The following PDGFD variants were observed in gnomAD, a reference collection of about 807,000 sequenced individuals.
The protein encoded by PDGFD is platelet derived growth factor D.
In PDGFD, 30 loss-of-function variants were observed where a neutral mutation model predicts 44.7. That is an observed-to-expected ratio of 0.67 (90% confidence interval 0.50 to 0.91). The LOEUF (loss-of-function observed/expected upper bound fraction) is 0.91. PDGFD is among the 40% of genes least tolerant of loss of function. The pLI is 0.00. For synonymous variants in PDGFD, 173 were observed against 168.4 expected, an observed-to-expected ratio of 1.03 and a Z score of -0.21; for missense variants, 445 against 457.8, an observed-to-expected ratio of 0.97 and a Z score of 0.25.
rs1591152121 is a variant in PDGFD, at chr11:104,077,390, G to T, written c.125-77135C>A. Among the ~76,000 whole-genome samples, 5 of 152,142 alleles carry T rather than the reference G, an allele frequency of 3.3e-5. No homozygotes were observed. In the South Asian group the frequency reaches 1.0e-3, roughly 32 times the overall value. On this transcript the variant is annotated intron_variant, in intron 1 of 6. Transcript: ENST00000393158. ...AATTCTGGAAGAGAAAGATGTTTAG[G>T]AGTTAAGGAAATAAGAGTTAGAAGG...
chr11:104,132,446 CTCTTTGGGTT>C (rs1446573930), intron 1 of PDGFD, among the ~76,000 whole-genome samples: 1 of 152,004 alleles, frequency 6.6e-6, no homozygotes, highest in Non-Finnish European at 1.5e-5. Flanking sequence ...TTAATGACCT[CTCTTTGGGTT>C]TCCTGTAAAC....
At chr11:104,132,474 C>T (rs1399339687) in intron 1 of PDGFD, among the ~76,000 whole-genome samples, 1 of 151,874 alleles carries the variant, frequency 6.6e-6, no homozygotes, top group Non-Finnish European at 1.5e-5. Flanking sequence ...AACTTTTTTG[C>T]AACCTCTTTA....
intron 1 of PDGFD, among the ~76,000 whole-genome samples, chr11:104,074,532 T>C (rs1438764202): frequency 6.6e-6 from 1 of 152,134 alleles, no homozygotes; most frequent in Non-Finnish European, 1.5e-5. Context: ...AAAACATCTG[T>C]GAAGAAAAGC....
At chr11:104,087,195 A>AATT (rs1861143831) in intron 1 of PDGFD, among the ~76,000 whole-genome samples, 1 of 129,106 alleles carries the variant, frequency 7.7e-6, no homozygotes, top group African/African-American at 3.0e-5. Context: ...CAACTGGCTA[A>AATT]TTTTTTTTTT....
chr11:103,912,060 G>A (rs1410549929), intron 6 of PDGFD, among the ~76,000 whole-genome samples: 5 of 151,972 alleles, frequency 3.3e-5, no homozygotes, highest in Non-Finnish European at 7.4e-5. Flanking sequence ...CACTCTTCAG[G>A]GTATTATCCA....
intron 1 of PDGFD, among the ~76,000 whole-genome samples, chr11:104,137,194 G>T (rs956037562): frequency 7.2e-5 from 11 of 152,090 alleles, no homozygotes; most frequent in Admixed American, 2.6e-4. Context: ...CTGTTGTTTA[G>T]AATTTCAGTA....
Position 104,071,389 on chromosome 11 carries a change from G to GTA in PDGFD, c.125-71136_125-71135dup, listed in dbSNP as rs575371075. Among the ~76,000 whole-genome samples the GTA allele has an allele frequency of 1.6e-3, 243 of 149,862 alleles. 1 individual carries two copies. Among genetic ancestry groups the GTA allele is most frequent in the African/African-American group, 3.5e-3 (144 of 41,038 alleles). The stretch of plus-strand genomic sequence containing the variant: ...TATATATATTTGTGTGTGCATGTGT[G>GTA]TATATATATATATAATATGGGTATA... On this transcript the variant is annotated intron_variant, in intron 1 of 6. Transcript: ENST00000393158.
intron 1 of PDGFD, among the ~76,000 whole-genome samples, chr11:104,084,481 G>A (rs1401842813): frequency 1.3e-5 from 2 of 152,022 alleles, no homozygotes; most frequent in Non-Finnish European, 2.9e-5. Context: ...AAGTGCAGTG[G>A]AAATGTAATT....
chr11:103,960,708 A>G (rs1362573896), intron 3 of PDGFD, among the ~76,000 whole-genome samples: 1 of 152,188 alleles, frequency 6.6e-6, no homozygotes, highest in Non-Finnish European at 1.5e-5. Flanking sequence ...GAGCAGCTAG[A>G]ACAAATTCCC....
chr11:103,933,708 T>G (rs924387868), intron 5 of PDGFD, among the ~76,000 whole-genome samples: 2 of 152,214 alleles, frequency 1.3e-5, no homozygotes, highest in African/African-American at 4.8e-5. Context: ...AAATTTCATT[T>G]AATTCTCACA....
At chr11:104,018,836 A>C (rs565147958) in intron 1 of PDGFD, among the ~76,000 whole-genome samples, 9 of 152,228 alleles carry the variant, frequency 5.9e-5, no homozygotes, top group Non-Finnish European at 1.3e-4. Context: ...CATATTGTGT[A>C]GTATTAATGC....
chr11:104,089,642 A>C (rs1234658253), intron 1 of PDGFD, among the ~76,000 whole-genome samples: 1 of 152,210 alleles, frequency 6.6e-6, no homozygotes, highest in Admixed American at 6.5e-5. Flanking sequence ...TATGATATCC[A>C]CTTTACAGGA....
rs1192358932 is a variant in PDGFD at position 103,909,708 on chromosome 11, T to C, written c.1099A>G (p.Arg367Gly). The change falls in exon 7 of 7, where the codon AGA becomes GGA. Residue 367 changes from arginine (R) to glycine (G), a missense_variant. By Grantham distance (125) the Arg-to-Gly change is moderately radical (BLOSUM62 -2). Coordinates refer to ENST00000393158, the MANE Select transcript of PDGFD (RefSeq NM_025208.5). ...HERCDCICSSRPPR is the reference protein window; with the variant it reads ...HERCDCICSSGPPR Reference sequence around the variant, plus strand: ...TGCACATTCTCTTATCGAGGTGGTCTTGAGCTGCAGATACAATCACATCGT... The same window carrying C: ...TGCACATTCTCTTATCGAGGTGGTCCTGAGCTGCAGATACAATCACATCGT... The C allele has an allele frequency of 1.2e-6, 2 of 1,614,080 alleles. No homozygotes were observed. The highest frequency in any genetic ancestry group is 1.7e-4 in the Middle Eastern group (1 of 6,060).
At chr11:103,931,083 G>C (rs1329268078) in intron 5 of PDGFD, among the ~76,000 whole-genome samples, 3 of 152,032 alleles carry the variant, frequency 2.0e-5, no homozygotes, top group Non-Finnish European at 4.4e-5. Context: ...AGTTTCTGTA[G>C]GACAGATAAA....
Position 104,131,972 on chromosome 11 carries a change from A to AAAAAC in PDGFD, c.124+31827_124+31831dup, listed in dbSNP as rs141551447. ...ATGTATGTTCAGAGAAGATCTGTTA[A>AAAAAC]AAAACAAAACAAAACAAAACAAAAC... On this transcript the variant is annotated intron_variant, in intron 1 of 6. Coordinates refer to ENST00000393158, the MANE Select transcript of PDGFD (RefSeq NM_025208.5). Among the ~76,000 whole-genome samples, 1,282 of 151,484 alleles carry AAAAAC rather than the reference A, an allele frequency of 8.5e-3. 10 individuals are homozygous for AAAAAC. The highest frequency in any genetic ancestry group is 0.027 in the African/African-American group (1,122 of 41,170).
chr11:103,954,672 A>C (rs1858809942), intron 3 of PDGFD, among the ~76,000 whole-genome samples: 1 of 152,132 alleles, frequency 6.6e-6, no homozygotes, highest in East Asian at 1.9e-4. Context: ...CATTCTGAAA[A>C]ATTTTATTCT....
chr11:104,083,822 TA>T (rs1861082189), intron 1 of PDGFD, among the ~76,000 whole-genome samples: 1 of 152,224 alleles, frequency 6.6e-6, no homozygotes, highest in Non-Finnish European at 1.5e-5. Flanking sequence ...AGAATGAGTG[TA>T]AAATAATCTG....
intron 3 of PDGFD, among the ~76,000 whole-genome samples, chr11:103,970,357 C>A (rs1012035928): frequency 6.6e-6 from 1 of 152,014 alleles, no homozygotes; most frequent in Admixed American, 6.6e-5. Flanking sequence ...ACTGCTTTAC[C>A]TGAAATTTCG....
intron 3 of PDGFD, among the ~76,000 whole-genome samples, chr11:103,969,410 G>A (rs1157375047): frequency 6.7e-6 from 1 of 148,762 alleles, no homozygotes; most frequent in African/African-American, 2.5e-5. Flanking sequence ...ACAACTCAAG[G>A]TTCTATAAAA....
Sources: gnomAD v4.1 joint callset for allele counts (sites outside exome capture counted in the v4.1 genomes callset) on GRCh38, gnomAD v4.1.1 for gene constraint, MANE v1.5 for transcripts, NCBI Gene and HGNC (gene_info 2026-07-23, HGNC 2026-07-21) for gene names.